Variants in COL9A1 observed in about 807,000 individuals in gnomAD.
The protein encoded by COL9A1 is collagen alpha-1(IX) chain.
COL9A1 carries 104 observed loss-of-function variants against 142.6 expected under a neutral mutation model. That is an observed-to-expected ratio of 0.73 (90% CI 0.62 to 0.86). The LOEUF (loss-of-function observed/expected upper bound fraction) is 0.86. Ranked by LOEUF, COL9A1 falls within the 40% of genes least tolerant of loss-of-function variation. COL9A1 has a pLI of 0.00. For synonymous variants in COL9A1, 466 were observed against 396.0 expected (o/e 1.18, Z -2.10); for missense variants, 1,210 against 1,176.6 (o/e 1.03, Z -0.42).
Position 70,300,107 on chromosome 6 carries a change from C to T in COL9A1, c.235G>A (p.Gly79Arg). ...ASRRAIQRVV[G>R]SATLQVAYKL... is the part of the protein sequence containing the mutation. Reference sequence around the variant, plus strand: ...TAAGCCACCTGCAATGTAGCTGATCCCACTACTCTCTGGATAGCTCTTCTA... The same window carrying T: ...TAAGCCACCTGCAATGTAGCTGATCTCACTACTCTCTGGATAGCTCTTCTA... Residue 79 changes from glycine (G) to arginine (R), a missense_variant, in exon 4 of 38, where the codon GGA becomes AGA. Physicochemically the swap from Gly to Arg is moderately radical, Grantham distance 125. Transcript: ENST00000357250. 1 of 1,613,684 alleles carries T rather than the reference C, an allele frequency of 6.2e-7. No individual in the cohort carries two copies. The highest frequency in any genetic ancestry group is 8.5e-7 in the Non-Finnish European group (1 of 1,179,772).
In COL9A1 at chr6:70,216,342, A is replaced by G. The variant is rs1340078049; in HGVS notation, c.*555T>C. On this transcript the variant is annotated 3_prime_UTR_variant, in exon 38 of 38. Transcript: ENST00000357250. ...GAAGAAGGAAACCAATACATGACGT[A>G]AAGAAATCATTTCGGGAGATGTAGC... 6.4e-6 allele frequency: 1 copy of G among 156,826 alleles called. No homozygotes were observed. The highest frequency in any genetic ancestry group is 1.4e-5 in the Non-Finnish European group (1 of 70,504). 9.7% of individuals were successfully genotyped at this position (156,826 alleles called of 1,614,324 possible).
At chr6:70,247,601 G>T (rs997451434) in intron 28 of COL9A1, among the ~76,000 whole-genome samples, 2 of 152,072 alleles carry the variant, frequency 1.3e-5, no homozygotes, top group African/African-American at 4.8e-5. Flanking sequence ...GATTAACCTA[G>T]GAGATCAATT....
intron 5 of COL9A1, among the ~76,000 whole-genome samples, chr6:70,289,316 A>G (rs1255057240): frequency 1.3e-5 from 2 of 152,162 alleles, no homozygotes; most frequent in African/African-American, 4.8e-5. Context: ...TTGCAACACT[A>G]TGGGCACAGC....
intron 33 of COL9A1, among the ~76,000 whole-genome samples, chr6:70,236,183 G>A (rs551559587): frequency 2.1e-5 from 3 of 144,928 alleles, no homozygotes; most frequent in Non-Finnish European, 4.5e-5. Context: ...TATGAAGGAA[G>A]TTAAAAAATC....
chr6:70,272,128 A>T, intron 12 of COL9A1, 40 bp from the exon 13 acceptor site: 1 of 1,545,224 alleles, frequency 6.5e-7, no homozygotes, highest in African/African-American at 1.4e-5. Context: ...CTTGAGGTTT[A>T]TACTTAGTAT....
chr6:70,254,544 T>G lies in COL9A1; in HGVS notation c.1666-15A>C, dbSNP rs767916489. Reference sequence around the variant, plus strand: ...CCTGGTTCACCCTGCAAAAAAAGCTTTTATCACATGATTGAACCTGTATGA... The same window carrying G: ...CCTGGTTCACCCTGCAAAAAAAGCTGTTATCACATGATTGAACCTGTATGA... On this transcript the variant is annotated splice_polypyrimidine_tract_variant and intron_variant, in intron 24 of 37. Coordinates refer to ENST00000357250, the MANE Select transcript of COL9A1 (RefSeq NM_001851.6). 6.2e-7 allele frequency: 1 copy of G among 1,613,784 alleles called. No homozygotes were observed. The highest frequency in any genetic ancestry group is 1.3e-5 in the African/African-American group (1 of 75,050).
intron 37 of COL9A1, among the ~76,000 whole-genome samples, chr6:70,220,566 G>GA (rs879779852): frequency 0.012 from 1,817 of 148,422 alleles, 14 homozygotes; most frequent in Non-Finnish European, 0.018. Flanking sequence ...AAATACCAGA[G>GA]AAAAAAAAAC....
intron 28 of COL9A1, among the ~76,000 whole-genome samples, chr6:70,245,376 G>T (rs917268060): frequency 5.9e-5 from 9 of 152,158 alleles, no homozygotes; most frequent in East Asian, 1.9e-4. Flanking sequence ...ACTGCTGAAG[G>T]TCATCGCCAA....
In COL9A1 at chr6:70,294,208, C is replaced by T. The variant is rs750282448; in HGVS notation, c.655G>A (p.Val219Met). ...RGPIDIDGFA[V>M]LGKLADNPQV... ...GGATTATCTGCAAGTTTTCCCAGCA[C>T]AGCAAAGCCATCAATGTCAATTGGG... The change falls in exon 5 of 38, where the codon GTG becomes ATG. Residue 219 changes from valine (V) to methionine (M), a missense_variant. Val to Met is a conservative substitution (Grantham distance 21). Coordinates refer to ENST00000357250, the MANE Select transcript of COL9A1 (RefSeq NM_001851.6). The T allele has an allele frequency of 1.2e-6, 2 of 1,614,066 alleles. No individual in the cohort carries two copies. Among genetic ancestry groups the T allele is most frequent in the South Asian group, 1.1e-5 (1 of 91,080 alleles).
intron 10 of COL9A1, among the ~76,000 whole-genome samples, chr6:70,277,532 C>T (rs1371134895): frequency 6.6e-6 from 1 of 152,144 alleles, no homozygotes; most frequent in Non-Finnish European, 1.5e-5. Flanking sequence ...AATATTCATA[C>T]AGACAAACTT....
At chr6:70,227,858 G>A (rs1470595636) in intron 36 of COL9A1, among the ~76,000 whole-genome samples, 5 of 152,032 alleles carry the variant, frequency 3.3e-5, no homozygotes, top group Non-Finnish European at 4.4e-5. Flanking sequence ...ACTGCTCAGT[G>A]AAAAAGGCAA....
intron 37 of COL9A1, among the ~76,000 whole-genome samples, chr6:70,222,501 C>T (rs892826856): frequency 1.3e-5 from 2 of 152,112 alleles, no homozygotes; most frequent in African/African-American, 4.8e-5. Flanking sequence ...AAATGATCAT[C>T]AATGTAAAGG....
chr6:70,285,538 C>T (rs1773419029), intron 5 of COL9A1, among the ~76,000 whole-genome samples: 1 of 152,184 alleles, frequency 6.6e-6, no homozygotes, highest in African/African-American at 2.4e-5. Context: ...ATAATTTAGT[C>T]CTTTTGGCTG....
At chr6:70,228,921 G>C (rs1232443365) in intron 36 of COL9A1, among the ~76,000 whole-genome samples, 3 of 152,088 alleles carry the variant, frequency 2.0e-5, no homozygotes, top group Admixed American at 2.0e-4. Context: ...GGTAATTTAA[G>C]TGTCATATCA....
intron 6 of COL9A1, 119 bp from the exon 7 acceptor site, chr6:70,283,037 G>A (rs1452601355): frequency 6.2e-7 from 1 of 1,605,540 alleles, no homozygotes; most frequent in Non-Finnish European, 8.5e-7. Flanking sequence ...CCGCGGTCCC[G>A]CGCAGTCCAG....
At chr6:70,242,745 T>C (rs547325270) in intron 28 of COL9A1, 30 bp from the exon 29 acceptor site, 2 of 1,607,708 alleles carry the variant, frequency 1.2e-6, no homozygotes, top group African/African-American at 2.7e-5. Flanking sequence ...GTCAATTGGA[T>C]ATTTTGCCAA....
intron 4 of COL9A1, 39 bp downstream of exon 4, chr6:70,300,004 G>C (rs770976083): frequency 1.3e-6 from 2 of 1,582,928 alleles, no homozygotes; most frequent in Non-Finnish European, 1.7e-6. Flanking sequence ...TAATGCATTT[G>C]AGTCAGATAA....
At chr6:70,226,188 G>A (rs1178561812) in intron 36 of COL9A1, among the ~76,000 whole-genome samples, 179 bp from the exon 37 acceptor site, 1 of 152,080 alleles carries the variant, frequency 6.6e-6, no homozygotes, top group Non-Finnish European at 1.5e-5. Flanking sequence ...TAGATCTAAG[G>A]GGGGAAAATC....
chr6:70,215,607 T>G (rs1485512345), downstream of COL9A1: 1 of 152,190 alleles, frequency 6.6e-6, no homozygotes, highest in African/African-American at 2.4e-5. Flanking sequence ...AATAATAAAG[T>G]GCTTAAGTGG....
Sources: gnomAD v4.1 joint callset for allele counts (sites outside exome capture counted in the v4.1 genomes callset) on GRCh38, gnomAD v4.1.1 for gene constraint, MANE v1.5 for transcripts, NCBI Gene and HGNC (gene_info 2026-07-23, HGNC 2026-07-21) for gene names.